The following EML5 variants were observed in gnomAD, a reference collection of about 807,000 sequenced individuals.
EML5 encodes EMAP like 5, also known as echinoderm microtubule-associated protein-like 5.
A neutral mutation model predicts 250.0 loss-of-function variants in EML5; 120 were observed. The observed-to-expected ratio is 0.48, with a 90% confidence interval of 0.41 to 0.56. EML5 has a LOEUF of 0.56. EML5 is among the 20% of genes least tolerant of loss of function. The pLI, the probability that EML5 is intolerant of heterozygous loss-of-function variation, is 0.00. For missense variants in EML5, 2,006 were observed against 2,437.6 expected (o/e 0.82, Z 3.73); for synonymous variants, 771 against 806.5 (o/e 0.96, Z 0.75).
chr14:88,740,700 A>C, intron 4 of EML5, 128 bp from the exon 5 acceptor site: 2 of 741,294 alleles, frequency 2.7e-6, no homozygotes, highest in Non-Finnish European at 4.2e-6. Context: ...CTTATGATAA[A>C]ATAGCATTCA....
intron 20 of EML5, 105 bp downstream of exon 20, chr14:88,684,910 C>T: frequency 9.6e-7 from 1 of 1,045,646 alleles, no homozygotes; most frequent in Non-Finnish European, 1.3e-6. Flanking sequence ...ACAAATATTT[C>T]CCTAATTTAA....
chr14:88,662,971 T>C, intron 24 of EML5, 60 bp downstream of exon 24: 2 of 1,221,498 alleles, frequency 1.6e-6, no homozygotes, highest in African/African-American at 1.5e-5. Flanking sequence ...AAAGTAGGTA[T>C]CAGTTTTCTA....
chr14:88,659,594 G>A (rs993524526), intron 25 of EML5, among the ~76,000 whole-genome samples: 4 of 152,126 alleles, frequency 2.6e-5, no homozygotes, highest in Admixed American at 6.5e-5. Flanking sequence ...CTAAGACTGT[G>A]TGGTTCTTGC....
At chr14:88,660,482 C>T (rs1021043348) in intron 25 of EML5, among the ~76,000 whole-genome samples, 1 of 152,120 alleles carries the variant, frequency 6.6e-6, no homozygotes, top group African/African-American at 2.4e-5. Context: ...GTGGCTCACG[C>T]CTGTAATCCT....
intron 1 of EML5, among the ~76,000 whole-genome samples, chr14:88,784,770 G>A (rs2094533671): frequency 6.6e-6 from 1 of 152,130 alleles, no homozygotes; most frequent in Non-Finnish European, 1.5e-5. Context: ...AACCACTATG[G>A]AGAACAGTTT....
chr14:88,664,023 A>G (rs2140974304), intron 23 of EML5, among the ~76,000 whole-genome samples: 1 of 152,132 alleles, frequency 6.6e-6, no homozygotes, highest in South Asian at 2.1e-4. Context: ...CATGCCTATA[A>G]TCACAGCACT....
In EML5 at chr14:88,744,017, T is replaced by C. The variant is rs1181980339; in HGVS notation, c.525+6A>G. 1.3e-6 allele frequency: 2 copies of C among 1,551,284 alleles called. No individual in the cohort carries two copies. The highest frequency in any genetic ancestry group is 1.4e-5 in the African/African-American group (1 of 73,756). ...TGACTATTATAAAACAAGACCCTTC[T>C]AGTACCTTGATATGTTTTACACCAC... On this transcript the variant is annotated splice_donor_region_variant and intron_variant, in intron 4 of 43. Transcript: ENST00000554922.
rs2092853632 is a variant in EML5, at chr14:88,687,238, A to C, written c.2832T>G (p.Ala944=). 4 of 1,610,618 alleles carry C rather than the reference A, an allele frequency of 2.5e-6. No homozygotes were observed. The highest frequency in any genetic ancestry group is 3.4e-6 in the Non-Finnish European group (4 of 1,178,616). ...RCLKTYAIKR[A]ALAPGSKGLL... ...CACCTTTAGATCCTGGGGCCAATGC[A>C]GCTCTTTTTATAGCATAGGTCTTGA... Residue 944 remains alanine (A), a synonymous_variant, in exon 19 of 44, where the codon GCT becomes GCG. Transcript: ENST00000554922.
chr14:88,771,670 A>C (rs2094394766), intron 1 of EML5, among the ~76,000 whole-genome samples: 1 of 152,162 alleles, frequency 6.6e-6, no homozygotes, highest in South Asian at 2.1e-4. Flanking sequence ...TCCTTCACTG[A>C]AACAGTTTTT....
chr14:88,661,378 G>GCCTATAA, intron 25 of EML5, among the ~76,000 whole-genome samples: 1 of 152,320 alleles, frequency 6.6e-6, no homozygotes, highest in Non-Finnish European at 1.5e-5. Flanking sequence ...TTATAGGCAT[G>GCCTATAA]AGCCACTGTC....
Position 88,712,359 on chromosome 14 carries a change from T to C in EML5, c.1569A>G (p.Ser523=), listed in dbSNP as rs749755534. Residue 523 remains serine, a synonymous_variant, in exon 10 of 44, where the codon TCA becomes TCG. Transcript: ENST00000554922. ...PKYSDINDIN[S]VDGNYIGQVL... ...CTTGGCCAATATAATTTCCATCTAC[T>C]GAATTTATATCGTTGATATCTGAAT... The C allele has an allele frequency of 6.2e-7, 1 of 1,613,066 alleles. No homozygotes were observed. Among genetic ancestry groups the C allele is most frequent in the South Asian group, 1.1e-5 (1 of 91,058 alleles).
Position 88,704,763 on chromosome 14 carries a change from AT to A in EML5, c.2051+96del, listed in dbSNP as rs2093284223. 1.7e-5 allele frequency: 14 copies of A among 835,716 alleles called. No homozygotes were observed. In the East Asian group the frequency reaches 3.5e-4, roughly 21 times the overall value. 51.8% of individuals were successfully genotyped at this position (835,716 alleles called of 1,614,324 possible). A position where few individuals can be genotyped will look rare whatever the true frequency, so the allele number is the denominator to read the frequency against. ...AATGTTGTATCCTTTCGGATATGTC[AT>A]TTCAGGGGATACAGTCAGTTCTATC... On this transcript the variant is annotated intron_variant, in intron 13 of 43. Coordinates refer to ENST00000554922, the MANE Select transcript of EML5 (RefSeq NM_183387.3).
intron 1 of EML5, among the ~76,000 whole-genome samples, chr14:88,783,468 G>A (rs1296269838): frequency 6.6e-6 from 1 of 152,078 alleles, no homozygotes; most frequent in African/African-American, 2.4e-5. Flanking sequence ...GAAAATAAAA[G>A]GATGGAAAAA....
chr14:88,676,391 T>C (rs2092593595), intron 21 of EML5, among the ~76,000 whole-genome samples: 1 of 152,070 alleles, frequency 6.6e-6, no homozygotes, highest in Non-Finnish European at 1.5e-5. Context: ...GGAGGTGAAA[T>C]GCCAGACACA....
intron 21 of EML5, among the ~76,000 whole-genome samples, chr14:88,670,672 T>C (rs2092438468): frequency 6.6e-6 from 1 of 152,094 alleles, no homozygotes; most frequent in African/African-American, 2.4e-5. Flanking sequence ...AGAGCCATGA[T>C]AAAACATTAC....
intron 32 of EML5, among the ~76,000 whole-genome samples, chr14:88,635,983 A>G (rs1390943829): frequency 2.0e-5 from 3 of 152,220 alleles, no homozygotes; most frequent in African/African-American, 7.2e-5. Context: ...TCCAACCTCC[A>G]GAGCTGTGAA....
intron 18 of EML5, among the ~76,000 whole-genome samples, chr14:88,687,743 G>A (rs1326442809): frequency 1.3e-5 from 2 of 149,632 alleles, no homozygotes; most frequent in Non-Finnish European, 3.0e-5. Context: ...TTAAGAACAT[G>A]AAGTTAAACT....
intron 20 of EML5, 137 bp from the exon 21 acceptor site, chr14:88,682,168 T>C: frequency 1.1e-6 from 1 of 912,732 alleles, no homozygotes; most frequent in African/African-American, 1.7e-5. Context: ...CTATCAAAAC[T>C]TTTCTGTTTA....
chr14:88,718,971 A>C (rs2093547431), intron 8 of EML5, among the ~76,000 whole-genome samples: 1 of 152,206 alleles, frequency 6.6e-6, no homozygotes, highest in South Asian at 2.1e-4. Flanking sequence ...AATTTGAAGA[A>C]AAATTTTAAA....
Sources: gnomAD v4.1 joint callset for allele counts (sites outside exome capture counted in the v4.1 genomes callset) on GRCh38, gnomAD v4.1.1 for gene constraint, MANE v1.5 for transcripts, NCBI Gene and HGNC (gene_info 2026-07-23, HGNC 2026-07-21) for gene names.